Variants in KIAA1328 observed in about 807,000 individuals in gnomAD.
KIAA1328 encodes the protein protein hinderin.
In KIAA1328, 52 loss-of-function variants were observed where a neutral mutation model predicts 68.1. The ratio of observed to expected loss-of-function variants is 0.76; its 90% CI spans 0.61 to 0.96. The LOEUF is 0.96. Among genes scored for constraint, KIAA1328 ranks in the 40% least tolerant of loss-of-function variants. The probability of loss-of-function intolerance (pLI) is 0.00; values close to 1 mark genes in which losing one functional copy is unlikely to be tolerated. For synonymous variants in KIAA1328, 232 were observed against 239.4 expected, an observed-to-expected ratio of 0.97 and a Z score of 0.28; for missense variants, 641 against 677.6, an observed-to-expected ratio of 0.95 and a Z score of 0.60.
In KIAA1328 at chr18:37,223,775, C is replaced by G; in HGVS notation, c.*1548C>G. On this transcript the variant is annotated 3_prime_UTR_variant, in exon 10 of 10. Transcript: ENST00000280020. Reference sequence around the variant, plus strand: ...CCAGATAGATCCAAAGCTCATGTCTCTTCAGGCTGAGACTGGCGCTGTCAC... The same window carrying G: ...CCAGATAGATCCAAAGCTCATGTCTGTTCAGGCTGAGACTGGCGCTGTCAC... 2 of 985,394 alleles carry G rather than the reference C, an allele frequency of 2.0e-6. No homozygotes were observed. Among genetic ancestry groups the G allele is most frequent in the Non-Finnish European group, 2.4e-6 (2 of 829,932 alleles). 61.0% of individuals were successfully genotyped at this position (985,394 alleles called of 1,614,324 possible).
chr18:36,897,033 T>A (rs1342170340), intron 5 of KIAA1328, among the ~76,000 whole-genome samples: 1 of 152,080 alleles, frequency 6.6e-6, no homozygotes, highest in Non-Finnish European at 1.5e-5. Flanking sequence ...TAAAAAAAAT[T>A]GTACTCAAGA....
At chr18:37,117,862 G>A (rs561018068) in intron 7 of KIAA1328, among the ~76,000 whole-genome samples, 8 of 144,410 alleles carry the variant, frequency 5.5e-5, no homozygotes, top group Middle Eastern at 3.6e-3. Flanking sequence ...GGAAGAAAAC[G>A]GACGTAGTTG....
At chr18:37,157,446 A>G (rs1045396066) in intron 7 of KIAA1328, among the ~76,000 whole-genome samples, 1 of 152,120 alleles carries the variant, frequency 6.6e-6, no homozygotes, top group Non-Finnish European at 1.5e-5. Context: ...AGATCACATT[A>G]TATACTCTAT....
At chr18:37,035,503 T>C (rs2054990868) in intron 6 of KIAA1328, among the ~76,000 whole-genome samples, 1 of 152,222 alleles carries the variant, frequency 6.6e-6, no homozygotes, top group Non-Finnish European at 1.5e-5. Context: ...TGCAGTTTTA[T>C]GGATGTGTTT....
intron 3 of KIAA1328, among the ~76,000 whole-genome samples, chr18:36,843,107 C>T (rs943500389): frequency 1.3e-5 from 2 of 151,748 alleles, no homozygotes; most frequent in African/African-American, 4.8e-5. Context: ...TTAACATTAT[C>T]CATAATACCA....
intron 6 of KIAA1328, among the ~76,000 whole-genome samples, chr18:36,978,004 A>G (rs1007623720): frequency 6.6e-6 from 1 of 152,072 alleles, no homozygotes; most frequent in Admixed American, 6.6e-5. Context: ...GGCTGGCTCC[A>G]GCTCCTGGCC....
chr18:37,214,803 TG>T (rs1322576083), intron 9 of KIAA1328, among the ~76,000 whole-genome samples: 1 of 152,210 alleles, frequency 6.6e-6, no homozygotes, highest in Non-Finnish European at 1.5e-5. Flanking sequence ...TTCTTCCATT[TG>T]TTTGTGTCCT....
intron 7 of KIAA1328, among the ~76,000 whole-genome samples, chr18:37,107,060 A>C (rs754072409): frequency 3.8e-4 from 58 of 152,272 alleles, no homozygotes; most frequent in Non-Finnish European, 4.4e-4. Context: ...TCTGGCCAAC[A>C]TGGTGAAACC....
intron 6 of KIAA1328, among the ~76,000 whole-genome samples, chr18:37,064,473 G>C (rs1346717214): frequency 6.6e-6 from 1 of 151,464 alleles, no homozygotes; most frequent in Non-Finnish European, 1.5e-5. Flanking sequence ...CTGTGGAGTA[G>C]CTAGCTATTT....
chr18:36,966,708 C>A (rs181627902), intron 6 of KIAA1328, among the ~76,000 whole-genome samples: 1 of 151,954 alleles, frequency 6.6e-6, no homozygotes, highest in Non-Finnish European at 1.5e-5. Flanking sequence ...AATTAAAATA[C>A]GGATATATTT....
At chr18:36,909,914 G>C (rs2049368410) in intron 5 of KIAA1328, among the ~76,000 whole-genome samples, 1 of 152,148 alleles carries the variant, frequency 6.6e-6, no homozygotes, top group African/African-American at 2.4e-5. Flanking sequence ...TGTGTCTGTT[G>C]GCTGCATAAA....
At chr18:37,167,248 G>A (rs184307820) in intron 8 of KIAA1328, among the ~76,000 whole-genome samples, 19 of 152,250 alleles carry the variant, frequency 1.2e-4, no homozygotes, top group Middle Eastern at 3.4e-3. Flanking sequence ...ATTTGCTGCC[G>A]TGTGCCCTTT....
In KIAA1328 at chr18:37,135,150, T is replaced by TG. The variant is rs908722063; in HGVS notation, c.1233-25049dup. Among the ~76,000 whole-genome samples the TG allele has an allele frequency of 3.7e-4, 57 of 152,300 alleles. 1 individual carries two copies. The highest frequency in any genetic ancestry group is 3.4e-3 in the Middle Eastern group (1 of 294). On this transcript the variant is annotated intron_variant, in intron 7 of 9. Transcript: ENST00000280020. ...ATGCCTTCGCTATTGTGAATAGTGT[T>TG]GCAGTGAGCCTGTGAGTGCATGAGT...
In KIAA1328 at chr18:37,222,430, G is replaced by C. The variant is rs960525732; in HGVS notation, c.*203G>C. 5 of 1,415,244 alleles carry C rather than the reference G, an allele frequency of 3.5e-6. No homozygotes were observed. The African/African-American group carries it at 7.2e-5, about 20-fold the overall frequency. The allele number at this position is 1,415,244 out of a possible 1,614,324, so 87.7% of individuals were successfully genotyped here. On this transcript the variant is annotated 3_prime_UTR_variant, in exon 10 of 10. Coordinates refer to ENST00000280020, the MANE Select transcript of KIAA1328 (RefSeq NM_020776.3). Reference sequence around the variant, plus strand: ...ACCAGGCATTCGATAACACACTAAGGGGGTAGGAATGGAAGATGGTATCTT... The same window carrying C: ...ACCAGGCATTCGATAACACACTAAGCGGGTAGGAATGGAAGATGGTATCTT...
At chr18:36,890,185 G>T (rs1307970295) in intron 5 of KIAA1328, among the ~76,000 whole-genome samples, 1 of 150,916 alleles carries the variant, frequency 6.6e-6, no homozygotes, top group Non-Finnish European at 1.5e-5. Flanking sequence ...GCTCTTCAAA[G>T]AAAGAATTTT....
intron 6 of KIAA1328, among the ~76,000 whole-genome samples, chr18:37,041,250 A>G (rs148580732): frequency 9.7e-4 from 147 of 152,076 alleles, no homozygotes; most frequent in African/African-American, 3.5e-3. Context: ...ACATATATTT[A>G]TAATTATTAT....
chr18:37,216,800 A>C (rs2154222023), intron 9 of KIAA1328, among the ~76,000 whole-genome samples: 1 of 151,656 alleles, frequency 6.6e-6, no homozygotes, highest in South Asian at 2.1e-4. Flanking sequence ...TTGCTTTATG[A>C]ATCTGGGTGC....
intron 7 of KIAA1328, among the ~76,000 whole-genome samples, chr18:37,102,329 A>T (rs1429539019): frequency 2.6e-5 from 4 of 152,220 alleles, no homozygotes; most frequent in Non-Finnish European, 5.9e-5. Flanking sequence ...GCTGGGCTTA[A>T]TACCTGGGTA....
intron 5 of KIAA1328, among the ~76,000 whole-genome samples, chr18:36,905,265 C>T (rs1371286347): frequency 6.6e-6 from 1 of 151,942 alleles, no homozygotes; most frequent in Non-Finnish European, 1.5e-5. Flanking sequence ...GCATACACCA[C>T]CATGGCATGG....
Sources: allele counts gnomAD v4.1 joint callset (sites outside exome capture counted in the v4.1 genomes callset), GRCh38; gene constraint gnomAD v4.1.1; transcripts MANE v1.5; gene names NCBI Gene and HGNC (gene_info 2026-07-23, HGNC 2026-07-21).